FNDC3B: variants seen among roughly 807,000 people sequenced by gnomAD.
The protein encoded by FNDC3B is fibronectin type III domain-containing protein 3B.
In FNDC3B, 12 loss-of-function variants were observed where a neutral mutation model predicts 151.5. The observed-to-expected ratio is 0.08, with a 90% CI of 0.05 to 0.13. The LOEUF (loss-of-function observed/expected upper bound fraction) is 0.13, where lower values mean the gene tolerates loss of function less well. FNDC3B is among the 10% of genes least tolerant of loss of function. The pLI, the probability that FNDC3B is intolerant of heterozygous loss-of-function variation, is 1.00. For missense variants in FNDC3B, 1,214 were observed against 1,505.3 expected, an observed-to-expected ratio of 0.81 and a Z score of 3.20; for synonymous variants, 528 against 549.0, an observed-to-expected ratio of 0.96 and a Z score of 0.54.
chr3:172,126,022 T>C (rs917292744), intron 2 of FNDC3B, among the ~76,000 whole-genome samples: 9 of 152,184 alleles, frequency 5.9e-5, no homozygotes, highest in Non-Finnish European at 7.4e-5. Context: ...TGCTTCAGGG[T>C]GCAGAATATC....
intron 23 of FNDC3B, among the ~76,000 whole-genome samples, chr3:172,373,153 T>C (rs1734961766): frequency 6.6e-6 from 1 of 152,234 alleles, no homozygotes. Flanking sequence ...CCCCACTCGC[T>C]GTTAGAAACC....
At chr3:172,216,154 G>A (rs574336840) in intron 3 of FNDC3B, among the ~76,000 whole-genome samples, 6 of 152,256 alleles carry the variant, frequency 3.9e-5, no homozygotes, top group African/African-American at 1.2e-4. Flanking sequence ...TGATGCCTTT[G>A]TTTTAATTTT....
At chr3:172,214,616 G>T (rs1377176278) in intron 3 of FNDC3B, among the ~76,000 whole-genome samples, 2 of 151,772 alleles carry the variant, frequency 1.3e-5, no homozygotes, top group African/African-American at 4.8e-5. Flanking sequence ...GTGGCATCAG[G>T]TAGATAAACT....
At chr3:172,262,922 A>G (rs1035051041) in intron 6 of FNDC3B, among the ~76,000 whole-genome samples, 3 of 129,066 alleles carry the variant, frequency 2.3e-5, no homozygotes, top group African/African-American at 8.1e-5. Flanking sequence ...AAAAAAAAAA[A>G]GCACTAGAAA....
At chr3:172,213,727 A>G (rs1300339408) in intron 3 of FNDC3B, among the ~76,000 whole-genome samples, 1 of 152,132 alleles carries the variant, frequency 6.6e-6, no homozygotes. Context: ...TAGCCTTTCC[A>G]GATTAGCAAA....
intron 2 of FNDC3B, among the ~76,000 whole-genome samples, chr3:172,129,812 T>G (rs1405785621): frequency 6.6e-6 from 1 of 152,128 alleles, no homozygotes; most frequent in African/African-American, 2.4e-5. Context: ...TCTTTGTCTT[T>G]TTTTTCTTCC....
intron 3 of FNDC3B, among the ~76,000 whole-genome samples, chr3:172,159,893 A>G (rs1045253891): frequency 1.3e-5 from 2 of 152,342 alleles, no homozygotes; most frequent in Non-Finnish European, 1.5e-5. Context: ...ATAGTACACC[A>G]TTTTAGACTT....
chr3:172,337,719 CT>C (rs1276578513), intron 16 of FNDC3B: 2 of 318,848 alleles, frequency 6.3e-6, no homozygotes, highest in East Asian at 8.5e-5. Context: ...GATACGATCT[CT>C]GTCACACAGG....
At chr3:172,110,048 T>G (rs551976616) in intron 1 of FNDC3B, among the ~76,000 whole-genome samples, 5 of 152,338 alleles carry the variant, frequency 3.3e-5, no homozygotes, top group African/African-American at 1.2e-4. Flanking sequence ...ACTTGACACC[T>G]GTGCTTAAGG....
intron 17 of FNDC3B, among the ~76,000 whole-genome samples, chr3:172,342,604 T>C (rs2108308474): frequency 6.6e-6 from 1 of 152,372 alleles, no homozygotes; most frequent in Middle Eastern, 3.4e-3. Context: ...GCTTTTCTGC[T>C]CTGTATGTGA....
At chr3:172,283,734 G>T (rs908875930) in intron 6 of FNDC3B, among the ~76,000 whole-genome samples, 2 of 152,000 alleles carry the variant, frequency 1.3e-5, no homozygotes, top group African/African-American at 4.8e-5. Context: ...GTTTTGTTTT[G>T]ATTTTTTTCT....
At chr3:172,198,799 A>G (rs2108684978) in intron 3 of FNDC3B, among the ~76,000 whole-genome samples, 1 of 152,324 alleles carries the variant, frequency 6.6e-6, no homozygotes, top group East Asian at 1.9e-4. Context: ...GAGGTAGGGA[A>G]TAGGAACAGG....
chr3:172,170,545 T>C (rs1036379832), intron 3 of FNDC3B, among the ~76,000 whole-genome samples: 1 of 152,176 alleles, frequency 6.6e-6, no homozygotes, highest in Non-Finnish European at 1.5e-5. Flanking sequence ...CTGGAGCTGA[T>C]TGGGAGAGAA....
At chr3:172,168,525 A>G (rs1176693332) in intron 3 of FNDC3B, among the ~76,000 whole-genome samples, 1 of 152,194 alleles carries the variant, frequency 6.6e-6, no homozygotes, top group Non-Finnish European at 1.5e-5. Context: ...CAGACATTCT[A>G]TGAGCGGTTG....
In FNDC3B at chr3:172,295,427, G is replaced by T. The variant is rs758953163; in HGVS notation, c.914G>T (p.Gly305Val). 6.2e-7 allele frequency: 1 copy of T among 1,614,036 alleles called. No individual in the cohort carries two copies. Among genetic ancestry groups the T allele is most frequent in the Non-Finnish European group, 8.5e-7 (1 of 1,179,924 alleles). The part of the protein sequence containing the change: ...SWAPPVGLSC[G>V]PHSGLSFPYS... ...GCTCCCCCTGTTGGACTTTCCTGTG[G>T]ACCCCACAGTGGTCTTTCCTTCCCC... The change falls in exon 8 of 26, where the codon GGA becomes GTA. Residue 305 changes from glycine (G) to valine (V), a missense_variant. Gly to Val is a moderately radical substitution (Grantham distance 109). Coordinates refer to ENST00000415807, the MANE Select transcript of FNDC3B (RefSeq NM_022763.4).
At chr3:172,113,964 C>T (rs543769348) in intron 2 of FNDC3B, among the ~76,000 whole-genome samples, 20 of 152,214 alleles carry the variant, frequency 1.3e-4, no homozygotes, top group Non-Finnish European at 2.4e-4. Flanking sequence ...CACTGCTGGA[C>T]CCCGTGCCGT....
intron 23 of FNDC3B, among the ~76,000 whole-genome samples, chr3:172,376,870 GAAAAGAAAAGA>G (rs1215514035): frequency 2.4e-4 from 35 of 146,008 alleles, no homozygotes; most frequent in East Asian, 1.0e-3. Flanking sequence ...AAAAAAGAAA[GAAAAGAAAAGA>G]AAAAGAAAAG....
intron 6 of FNDC3B, among the ~76,000 whole-genome samples, chr3:172,281,219 T>TA (rs1208774450): frequency 2.5e-5 from 2 of 78,714 alleles, no homozygotes; most frequent in African/African-American, 1.3e-4. Flanking sequence ...TTATTTATAT[T>TA]TATTTATTTA....
At chr3:172,206,498 A>AG (rs1725433370) in intron 3 of FNDC3B, among the ~76,000 whole-genome samples, 1 of 152,030 alleles carries the variant, frequency 6.6e-6, no homozygotes, top group Non-Finnish European at 1.5e-5. Context: ...GTCTCTACTA[A>AG]AAATACAAAA....
Sources: allele counts gnomAD v4.1 joint callset (sites outside exome capture counted in the v4.1 genomes callset), GRCh38; gene constraint gnomAD v4.1.1; transcripts MANE v1.5; gene names NCBI Gene and HGNC (gene_info 2026-07-23, HGNC 2026-07-21).